ITPRID1: variants seen among roughly 807,000 people sequenced by gnomAD.
ITPRID1 encodes protein ITPRID1.
In ITPRID1, 96 loss-of-function variants were observed where a neutral mutation model predicts 95.4. The observed-to-expected ratio is 1.01, with a 90% CI of 0.85 to 1.19. The LOEUF is 1.19. ITPRID1 is among the 50% of genes most tolerant of loss of function. The pLI is 0.00. For synonymous variants in ITPRID1, 510 were observed against 453.6 expected (o/e 1.12, Z -1.58); for missense variants, 1,339 against 1,252.9 (o/e 1.07, Z -1.04).
intron 3 of ITPRID1, 154 bp from the exon 4 acceptor site, chr7:31,554,321 T>G (rs1784377867): frequency 7.5e-7 from 1 of 1,331,908 alleles, no homozygotes; most frequent in Admixed American, 3.1e-5. Context: ...AACAGGAGAT[T>G]TTGCCTTCAG....
chr7:31,593,832 A>G (rs1785964707), intron 10 of ITPRID1, among the ~76,000 whole-genome samples: 1 of 152,220 alleles, frequency 6.6e-6, no homozygotes, highest in Non-Finnish European at 1.5e-5. Flanking sequence ...TTAAAATTAT[A>G]GTACATCCTT....
At chr7:31,577,797 C>A in intron 8 of ITPRID1, 66 bp from the exon 9 acceptor site, 2 of 1,335,816 alleles carry the variant, frequency 1.5e-6, no homozygotes, top group Non-Finnish European at 2.0e-6. Flanking sequence ...TCAGTTTTGA[C>A]TACGTTAATA....
chr7:31,536,402 CTTAT>C (rs1374583203), intron 1 of ITPRID1, among the ~76,000 whole-genome samples: 1 of 152,060 alleles, frequency 6.6e-6, no homozygotes. Context: ...GATTCATTAG[CTTAT>C]TTATTATACT....
intron 1 of ITPRID1, among the ~76,000 whole-genome samples, chr7:31,521,705 C>G (rs922686630): frequency 4.7e-5 from 4 of 84,448 alleles, no homozygotes; most frequent in Non-Finnish European, 9.0e-5. Flanking sequence ...TTCCCTCCCT[C>G]CCTCCCTTCC....
At chr7:31,620,536 TGCA>T (rs1787762183) in intron 10 of ITPRID1, among the ~76,000 whole-genome samples, 1 of 151,002 alleles carries the variant, frequency 6.6e-6, no homozygotes, top group Non-Finnish European at 1.5e-5. Context: ...CCAACAGACC[TGCA>T]GCTGAGGGTC....
intron 5 of ITPRID1, among the ~76,000 whole-genome samples, chr7:31,556,349 G>C (rs1185304648): frequency 2.0e-5 from 3 of 152,092 alleles, no homozygotes; most frequent in African/African-American, 7.2e-5. Context: ...CTTGTACAAG[G>C]CCCTTTCTCA....
At chr7:31,538,779 A>G (rs1250454127) in intron 1 of ITPRID1, among the ~76,000 whole-genome samples, 1 of 152,198 alleles carries the variant, frequency 6.6e-6, no homozygotes, top group African/African-American at 2.4e-5. Context: ...AATATTGATC[A>G]CTTGGTTAAG....
intron 10 of ITPRID1, among the ~76,000 whole-genome samples, chr7:31,599,982 G>A (rs570142052): frequency 6.6e-6 from 1 of 152,178 alleles, no homozygotes; most frequent in African/African-American, 2.4e-5. Context: ...ACAGGCGTGA[G>A]CCACCGCACC....
intron 2 of ITPRID1, among the ~76,000 whole-genome samples, chr7:31,552,103 G>A (rs767715851): frequency 2.8e-5 from 4 of 143,218 alleles, no homozygotes; most frequent in Non-Finnish European, 6.3e-5. Flanking sequence ...CTTTTGCTGC[G>A]CTAAGCTGCT....
rs1250789462 is a variant in ITPRID1 at position 31,551,856 on chromosome 7, A to G, written c.-23-1146A>G. On this transcript the variant is annotated intron_variant, in intron 2 of 14. Coordinates refer to ENST00000615280, the MANE Select transcript of ITPRID1 (RefSeq NM_001257967.3). ...ATGCTACTGAAGTAAGTGTTTGGCTACTTGGCCATTTCTGTAAACTTGAAG... is the reference window on the plus strand; with the variant it reads ...ATGCTACTGAAGTAAGTGTTTGGCTGCTTGGCCATTTCTGTAAACTTGAAG... The G allele has an allele frequency of 1.5e-5, 6 of 401,926 alleles. 1 individual carries two copies. The East Asian group carries it at 5.2e-4, about 35-fold the overall frequency. 24.9% of individuals were successfully genotyped at this position (401,926 alleles called of 1,614,324 possible).
rs1207644851 is a variant in ITPRID1, at chr7:31,623,331, T to A, written c.1229-18845T>A. On this transcript the variant is annotated intron_variant, in intron 10 of 14. Transcript: ENST00000615280. ...GAGAATTTTAGACCAATATCCTTGATGAACATTGATGCAAAAATCCTCAAT... is the reference window on the plus strand; with the variant it reads ...GAGAATTTTAGACCAATATCCTTGAAGAACATTGATGCAAAAATCCTCAAT... Among the ~76,000 whole-genome samples the A allele has an allele frequency of 3.9e-5, 6 of 152,022 alleles. No homozygotes were observed. In the East Asian group the frequency reaches 1.2e-3, roughly 29 times the overall value.
intron 10 of ITPRID1, among the ~76,000 whole-genome samples, chr7:31,601,592 G>A (rs1481198449): frequency 1.3e-5 from 2 of 152,116 alleles, no homozygotes; most frequent in African/African-American, 4.8e-5. Context: ...AGAAGATACT[G>A]ATTTCTGTAG....
intron 10 of ITPRID1, among the ~76,000 whole-genome samples, chr7:31,628,845 TTC>T: frequency 6.6e-6 from 1 of 152,326 alleles, no homozygotes; most frequent in East Asian, 1.9e-4. Flanking sequence ...GCACTATTTC[TTC>T]TTACTGTCTG....
intron 1 of ITPRID1, among the ~76,000 whole-genome samples, chr7:31,514,565 G>A (rs573653610): frequency 3.4e-4 from 52 of 152,250 alleles, no homozygotes; most frequent in African/African-American, 1.2e-3. Flanking sequence ...CAGGGAATGA[G>A]GGAGAGAGAG....
chr7:31,640,372 G>C (rs1789909894), intron 10 of ITPRID1, among the ~76,000 whole-genome samples: 1 of 152,158 alleles, frequency 6.6e-6, no homozygotes, highest in Non-Finnish European at 1.5e-5. Flanking sequence ...GAATACTCAA[G>C]AGAGACCCTC....
chr7:31,643,775 C>G lies in ITPRID1; in HGVS notation c.2405C>G (p.Pro802Arg), dbSNP rs747488534. ...ICPMGTCHAI[P>R]AHCCICCHHH... Reference sequence around the variant, plus strand: ...CCAATGGGCACCTGCCATGCTATACCTGCCCACTGCTGCATCTGCTGTCAT... The same window carrying G: ...CCAATGGGCACCTGCCATGCTATACGTGCCCACTGCTGCATCTGCTGTCAT... The change falls in exon 12 of 15, where the codon CCT (proline) becomes CGT (arginine). Residue 802 changes from proline (P) to arginine (R), a missense_variant. By Grantham distance (103) the Pro-to-Arg change is moderately radical. Coordinates refer to ENST00000615280, the MANE Select transcript of ITPRID1 (RefSeq NM_001257967.3). The G allele has an allele frequency of 6.2e-7, 1 of 1,613,990 alleles. No homozygotes were observed. Among genetic ancestry groups the G allele is most frequent in the Non-Finnish European group, 8.5e-7 (1 of 1,179,884 alleles).
chr7:31,571,142 C>T (rs1784973987), intron 6 of ITPRID1, among the ~76,000 whole-genome samples: 2 of 152,096 alleles, frequency 1.3e-5, no homozygotes, highest in Admixed American at 6.5e-5. Context: ...AATTCGCTGC[C>T]TCAGCCTCCC....
chr7:31,608,541 C>T (rs1024129176), intron 10 of ITPRID1, among the ~76,000 whole-genome samples: 4 of 151,754 alleles, frequency 2.6e-5, no homozygotes, highest in African/African-American at 9.7e-5. Context: ...CTTTCAGCAG[C>T]ATTTTGTAGT....
intron 5 of ITPRID1, among the ~76,000 whole-genome samples, chr7:31,556,109 T>C (rs193297944): frequency 4.1e-4 from 63 of 152,200 alleles, no homozygotes; most frequent in Admixed American, 2.0e-3. Context: ...TCAGTAACCA[T>C]ACTAAAAGCT....
Sources: allele counts gnomAD v4.1 joint callset (sites outside exome capture counted in the v4.1 genomes callset), GRCh38; gene constraint gnomAD v4.1.1; transcripts MANE v1.5; gene names NCBI Gene and HGNC (gene_info 2026-07-23, HGNC 2026-07-21).